Variants in EPHA3 observed in about 807,000 individuals in gnomAD.
The protein encoded by EPHA3 is EPH receptor A3.
EPHA3 carries 42 observed loss-of-function variants against 107.1 expected under a neutral mutation model. The observed-to-expected ratio is 0.39, with a 90% CI of 0.31 to 0.51. The LOEUF (loss-of-function observed/expected upper bound fraction) is 0.51, where lower values mean the gene tolerates loss of function less well. Ranked by LOEUF, EPHA3 falls within the 20% of genes least tolerant of loss-of-function variation. The probability of loss-of-function intolerance (pLI) is 0.78; values close to 1 mark genes in which losing one functional copy is unlikely to be tolerated. For synonymous variants in EPHA3, 461 were observed against 424.8 expected (o/e 1.09, Z -1.05); for missense variants, 1,183 against 1,211.2 (o/e 0.98, Z 0.35).
At chr3:89,154,778 T>C (rs962611180) in intron 2 of EPHA3, among the ~76,000 whole-genome samples, 1 of 150,892 alleles carries the variant, frequency 6.6e-6, no homozygotes, top group African/African-American at 2.4e-5. Context: ...CAGGATTTTA[T>C]TTGAGACATT....
At chr3:89,319,189 G>A (rs192274821) in intron 3 of EPHA3, among the ~76,000 whole-genome samples, 1 of 151,820 alleles carries the variant, frequency 6.6e-6, no homozygotes, top group Admixed American at 6.6e-5. Flanking sequence ...TTCTACTATA[G>A]AACCTAATAA....
chr3:89,138,685 A>G (rs1260877430), intron 2 of EPHA3, among the ~76,000 whole-genome samples: 1 of 151,916 alleles, frequency 6.6e-6, no homozygotes, highest in East Asian at 1.9e-4. Flanking sequence ...AAAAGTTCCC[A>G]TTATAGGTTA....
intron 2 of EPHA3, among the ~76,000 whole-genome samples, chr3:89,173,587 A>T (rs1233563196): frequency 1.3e-5 from 2 of 152,110 alleles, no homozygotes; most frequent in Non-Finnish European, 2.9e-5. Context: ...TAGCTATGTA[A>T]AATCAATAAT....
chr3:89,130,758 C>G (rs1330567530), intron 2 of EPHA3, among the ~76,000 whole-genome samples: 1 of 152,102 alleles, frequency 6.6e-6, no homozygotes, highest in Non-Finnish European at 1.5e-5. Flanking sequence ...CCTCAGCCTC[C>G]CGAGTAGTTG....
intron 1 of EPHA3, among the ~76,000 whole-genome samples, chr3:89,119,616 C>T (rs1707333473): frequency 6.6e-6 from 1 of 152,102 alleles, no homozygotes; most frequent in African/African-American, 2.4e-5. Flanking sequence ...ATAAATGATA[C>T]ACCTGAGATT....
In EPHA3 at chr3:89,268,968, C is replaced by T. The variant is rs540300939; in HGVS notation, c.814+58448C>T. 5.3e-5 allele frequency among the ~76,000 whole-genome samples: 8 copies of T among 151,638 alleles called. No individual in the cohort carries two copies. The South Asian group carries it at 8.3e-4, about 16-fold the overall frequency. On this transcript the variant is annotated intron_variant, in intron 3 of 16. Transcript: ENST00000336596. ...TTTATACAAGGTCGTGTGTCTTATA[C>T]AAGGTCATAGGATAAACCCATGGGC...
At chr3:89,348,218 G>A (rs1707719844) in intron 5 of EPHA3, among the ~76,000 whole-genome samples, 2 of 128,954 alleles carry the variant, frequency 1.6e-5, no homozygotes, top group Admixed American at 8.0e-5. Flanking sequence ...ACCTCTGGTA[G>A]AATTCGGCTG....
chr3:89,182,158 A>T (rs1187539567), intron 2 of EPHA3, among the ~76,000 whole-genome samples: 1 of 151,598 alleles, frequency 6.6e-6, no homozygotes, highest in Non-Finnish European at 1.5e-5. Context: ...TCATTGAAAA[A>T]TAAATACTGG....
chr3:89,208,536 GA>G lies in EPHA3; in HGVS notation c.154-1317del, dbSNP rs1208562105. Among the ~76,000 whole-genome samples the G allele has an allele frequency of 2.5e-3, 353 of 139,916 alleles. 1 individual carries two copies. Among genetic ancestry groups the G allele is most frequent in the African/African-American group, 7.6e-3 (288 of 37,956 alleles). The allele number at this position is 139,916 out of a possible 152,430, so 91.8% of individuals were successfully genotyped here. A position where few individuals can be genotyped will look rare whatever the true frequency, so the allele number is the denominator to read the frequency against. On this transcript the variant is annotated intron_variant, in intron 2 of 16. Transcript: ENST00000336596. ...AAAGGAAGGAAGGGAAAGAAAGAAAGAAAAAAAGAAAGAGAAAGAAAGAAAG... is the reference window on the plus strand; with the variant it reads ...AAAGGAAGGAAGGGAAAGAAAGAAAGAAAAAAGAAAGAGAAAGAAAGAAAG...
At chr3:89,429,902 T>C (rs750993888) in intron 12 of EPHA3, among the ~76,000 whole-genome samples, 6 of 152,058 alleles carry the variant, frequency 3.9e-5, no homozygotes, top group African/African-American at 9.7e-5. Flanking sequence ...TAGCAGGGAT[T>C]ACAGGCGCCC....
In EPHA3 at chr3:89,359,770, C is replaced by T. The variant is rs571390555; in HGVS notation, c.1306+17680C>T. Reference sequence around the variant, plus strand: ...ATACACATATATACACATATATACACACATATATATACATATATATACATA... The same window carrying T: ...ATACACATATATACACATATATACATACATATATATACATATATATACATA... On this transcript the variant is annotated intron_variant, in intron 5 of 16. Coordinates refer to ENST00000336596, the MANE Select transcript of EPHA3 (RefSeq NM_005233.6). 5.9e-3 allele frequency among the ~76,000 whole-genome samples: 824 copies of T among 138,558 alleles called. 8 individuals are homozygous for T. The highest frequency in any genetic ancestry group is 0.022 in the African/African-American group (780 of 35,524). 90.9% of individuals were successfully genotyped at this position (138,558 alleles called of 152,430 possible). A position where few individuals can be genotyped will look rare whatever the true frequency, so the allele number is the denominator to read the frequency against.
At chr3:89,350,587 T>C (rs2107440522) in intron 5 of EPHA3, among the ~76,000 whole-genome samples, 1 of 150,934 alleles carries the variant, frequency 6.6e-6, no homozygotes, top group African/African-American at 2.4e-5. Context: ...TCAGAGTAAT[T>C]TGATCGTCTG....
rs139025754 is a variant in EPHA3 at position 89,243,028 on chromosome 3, A to G, written c.814+32508A>G. ...TGTTTGGTTTTCTGTCTTTGTGATA[A>G]TTTGCTGAGAATGATGGTTTCCAGC... On this transcript the variant is annotated intron_variant, in intron 3 of 16. Transcript: ENST00000336596. Among the ~76,000 whole-genome samples, 23 of 150,792 alleles carry G rather than the reference A, an allele frequency of 1.5e-4. No homozygotes were observed. The East Asian group carries it at 3.8e-3, about 25-fold the overall frequency.
chr3:89,280,712 A>G (rs1475706167), intron 3 of EPHA3, among the ~76,000 whole-genome samples: 8 of 152,194 alleles, frequency 5.3e-5, no homozygotes, highest in Non-Finnish European at 1.0e-4. Flanking sequence ...TGTACCACCT[A>G]GGAATAAATA....
intron 2 of EPHA3, among the ~76,000 whole-genome samples, chr3:89,167,655 T>C (rs1327385682): frequency 2.6e-5 from 4 of 152,154 alleles, no homozygotes; most frequent in Non-Finnish European, 4.4e-5. Context: ...CACTGAACTT[T>C]CTGAGGAGCA....
chr3:89,215,165 G>T (rs1704195132), intron 3 of EPHA3, among the ~76,000 whole-genome samples: 1 of 151,856 alleles, frequency 6.6e-6, no homozygotes, highest in African/African-American at 2.4e-5. Flanking sequence ...TAGTTATTAT[G>T]TATACTTAAG....
chr3:89,335,430 A>G (rs760384249), intron 3 of EPHA3, among the ~76,000 whole-genome samples: 6 of 152,196 alleles, frequency 3.9e-5, no homozygotes, highest in Admixed American at 1.3e-4. Context: ...TTAGATTTCA[A>G]CATATATATT....
intron 3 of EPHA3, among the ~76,000 whole-genome samples, chr3:89,294,231 A>G (rs1706289633): frequency 6.6e-6 from 1 of 152,180 alleles, no homozygotes; most frequent in African/African-American, 2.4e-5. Flanking sequence ...TGTGTTCCAA[A>G]GTACGAGTCT....
intron 13 of EPHA3, among the ~76,000 whole-genome samples, chr3:89,437,186 G>C (rs931126308): frequency 2.0e-5 from 3 of 151,820 alleles, no homozygotes; most frequent in Non-Finnish European, 4.4e-5. Flanking sequence ...TACTTTACTA[G>C]GAAAAAAGTC....
Sources: gnomAD v4.1 joint callset for allele counts (sites outside exome capture counted in the v4.1 genomes callset) on GRCh38, gnomAD v4.1.1 for gene constraint, MANE v1.5 for transcripts, NCBI Gene and HGNC (gene_info 2026-07-23, HGNC 2026-07-21) for gene names.